AGO2: variants seen among roughly 807,000 people sequenced by gnomAD.
AGO2 encodes argonaute RISC catalytic component 2, also known as protein argonaute-2.
Under a neutral mutation model 102.3 loss-of-function variants are expected in AGO2, and 5 were observed. The observed-to-expected ratio is 0.05, with a 90% CI of 0.03 to 0.10. The LOEUF (loss-of-function observed/expected upper bound fraction) is 0.10. AGO2 is among the 10% of genes least tolerant of loss of function. The pLI, the probability that AGO2 is intolerant of heterozygous loss-of-function variation, is 1.00. For missense variants in AGO2, 541 were observed against 1,183.7 expected (o/e 0.46, Z 7.97); for synonymous variants, 449 against 473.1 (o/e 0.95, Z 0.66).
In AGO2 at chr8:140,529,125, A is replaced by G. The variant is rs2072548630; in HGVS notation, c.*2919T>C. ...GTTTGCTTAAAGCAAGGCACACCTT[A>G]CTTAACAGTGGGATGGGGACAAAGC... On this transcript the variant is annotated 3_prime_UTR_variant, in exon 19 of 19. Coordinates refer to ENST00000220592, the MANE Select transcript of AGO2 (RefSeq NM_012154.5). The G allele has an allele frequency of 6.6e-6, 1 of 152,368 alleles. No homozygotes were observed. The highest frequency in any genetic ancestry group is 1.9e-4 in the East Asian group (1 of 5,182). 9.4% of individuals were successfully genotyped at this position (152,368 alleles called of 1,614,324 possible).
intron 1 of AGO2, among the ~76,000 whole-genome samples, chr8:140,595,847 TATATTTATATTATATACAATTGTA>T (rs2073826473): frequency 9.0e-5 from 9 of 100,100 alleles, no homozygotes; most frequent in Non-Finnish European, 1.6e-4. Flanking sequence ...TTGTATATAT[TATATTTATATTATATACAATTGTA>T]TATTATATAA....
At chr8:140,618,235 G>A (rs929967625) in intron 1 of AGO2, among the ~76,000 whole-genome samples, 1 of 151,898 alleles carries the variant, frequency 6.6e-6, no homozygotes, top group East Asian at 1.9e-4. Flanking sequence ...CAGGAGAATC[G>A]CTTGAACCCA....
chr8:140,532,706 T>A, intron 17 of AGO2, 91 bp from the exon 18 acceptor site: 1 of 1,371,120 alleles, frequency 7.3e-7, no homozygotes, highest in Non-Finnish European at 1.0e-6. Flanking sequence ...TTATTAAAAA[T>A]GCATCATAGT....
intron 3 of AGO2, among the ~76,000 whole-genome samples, chr8:140,565,868 C>T (rs889222117): frequency 6.6e-6 from 1 of 151,832 alleles, no homozygotes; most frequent in Non-Finnish European, 1.5e-5. Flanking sequence ...TGGTTTGAGT[C>T]CAGAGTTGGA....
At position 140,561,041 on chromosome 8, in the gene AGO2, G is replaced by A. The variant is rs900961853; in HGVS notation, c.519-531C>T. Among the ~76,000 whole-genome samples, 67 of 152,352 alleles carry A rather than the reference G, an allele frequency of 4.4e-4. 1 individual carries two copies. The highest frequency in any genetic ancestry group is 2.4e-4 in the African/African-American group (10 of 41,588). On this transcript the variant is annotated intron_variant, in intron 4 of 18. Transcript: ENST00000220592. ...CTCCCCAGGTAGGCTCCGAGGCCCC[G>A]GAGCTGCCCGCTGTGGGCTCCCCCG...
At chr8:140,546,349 G>A (rs762313996) in intron 13 of AGO2, among the ~76,000 whole-genome samples, 6 of 152,194 alleles carry the variant, frequency 3.9e-5, no homozygotes, top group South Asian at 2.1e-4. Flanking sequence ...CACTGTGTCC[G>A]TCCACTTGCT....
chr8:140,608,183 T>A (rs902059024), intron 1 of AGO2, among the ~76,000 whole-genome samples: 2 of 152,188 alleles, frequency 1.3e-5, no homozygotes, highest in African/African-American at 4.8e-5. Context: ...GACATTAGCA[T>A]GAGACAGGCA....
chr8:140,581,586 T>TAAAA (rs2073558282), intron 2 of AGO2, among the ~76,000 whole-genome samples: 1 of 151,724 alleles, frequency 6.6e-6, no homozygotes. Flanking sequence ...ACCCCCTAAA[T>TAAAA]CACAGATTCA....
chr8:140,536,443 C>T (rs558831116), intron 16 of AGO2, among the ~76,000 whole-genome samples: 146 of 152,026 alleles, frequency 9.6e-4, no homozygotes, highest in African/African-American at 3.4e-3. Context: ...TCTCCTGCCT[C>T]GGCCTCCCGA....
intron 5 of AGO2, among the ~76,000 whole-genome samples, chr8:140,560,069 G>A (rs1027061115): frequency 1.2e-4 from 19 of 152,306 alleles, no homozygotes; most frequent in African/African-American, 4.3e-4. Flanking sequence ...GCCACACCCA[G>A]GCTACAGTCA....
At chr8:140,631,603 G>C (rs981925500) in intron 1 of AGO2, among the ~76,000 whole-genome samples, 7 of 152,008 alleles carry the variant, frequency 4.6e-5, no homozygotes, top group African/African-American at 1.2e-4. Context: ...GAAGAGAGAG[G>C]GTGGGCTAGC....
intron 4 of AGO2, 108 bp from the exon 5 acceptor site, chr8:140,560,618 C>T (rs1019741416): frequency 1.5e-4 from 201 of 1,326,338 alleles, no homozygotes; most frequent in Non-Finnish European, 2.0e-4. Flanking sequence ...ATCAGAGTTC[C>T]GTTTCCCCTC....
chr8:140,614,899 C>A lies in AGO2; in HGVS notation c.22+20586G>T, dbSNP rs557859688. On this transcript the variant is annotated intron_variant, in intron 1 of 18. Transcript: ENST00000220592. ...TGAAGTCATGAGAACTCACTCTAACCGCTCAAGTCACTCCTGGAGCCTCAG... is the reference window on the plus strand; with the variant it reads ...TGAAGTCATGAGAACTCACTCTAACAGCTCAAGTCACTCCTGGAGCCTCAG... 5.9e-5 allele frequency among the ~76,000 whole-genome samples: 9 copies of A among 152,322 alleles called. No homozygotes were observed. The East Asian group carries it at 1.5e-3, about 26-fold the overall frequency.
At chr8:140,566,987 C>A (rs985785568) in intron 3 of AGO2, among the ~76,000 whole-genome samples, 1 of 152,222 alleles carries the variant, frequency 6.6e-6, no homozygotes, top group Non-Finnish European at 1.5e-5. Context: ...GTACTTTAGG[C>A]CCGAGTACAT....
intron 17 of AGO2, among the ~76,000 whole-genome samples, chr8:140,533,161 G>A (rs558660742): frequency 5.3e-5 from 8 of 151,874 alleles, no homozygotes; most frequent in South Asian, 2.1e-4. Context: ...AGGCCGAGGC[G>A]GGCAGATCAC....
At position 140,520,460 on chromosome 8, in the gene AGO2, A is replaced by G. The variant is rs1363334403; in HGVS notation, c.*11584T>C. 6.6e-6 allele frequency: 1 copy of G among 152,220 alleles called. No homozygotes were observed. The highest frequency in any genetic ancestry group is 1.5e-5 in the Non-Finnish European group (1 of 68,036). The allele number at this position is 152,220 out of a possible 1,614,324, so 9.4% of individuals were successfully genotyped here. ...TGTAAAAACAAACTAGAAAGGACCC[A>G]GCTAAGCTTAAACACGACAATAGAT... On this transcript the variant is annotated 3_prime_UTR_variant, in exon 19 of 19. Transcript: ENST00000220592.
At chr8:140,573,656 A>G (rs2073420646) in intron 2 of AGO2, among the ~76,000 whole-genome samples, 1 of 152,216 alleles carries the variant, frequency 6.6e-6, no homozygotes, top group Non-Finnish European at 1.5e-5. Flanking sequence ...ACAGCAGATG[A>G]CAGACACTTC....
At position 140,585,341 on chromosome 8, in the gene AGO2, G is replaced by A. The variant is rs375136677; in HGVS notation, c.23-30C>T. 857 of 1,606,908 alleles carry A rather than the reference G, an allele frequency of 5.3e-4. 11 individuals are homozygous for A. The South Asian group carries it at 8.1e-3, about 15-fold the overall frequency. On this transcript the variant is annotated intron_variant, in intron 1 of 18. Transcript: ENST00000220592. The stretch of plus-strand genomic sequence containing the variant: ...AATGGCAGAGAGAACACCCATTAAC[G>A]GGGGAGCAGGCTTGCTCTGCGGCCC...
intron 16 of AGO2, among the ~76,000 whole-genome samples, chr8:140,536,801 G>T (rs1001124881): frequency 2.0e-5 from 3 of 152,196 alleles, no homozygotes; most frequent in African/African-American, 7.2e-5. Flanking sequence ...GGGCTGCAGC[G>T]GGGAGGAAGG....
Sources: allele counts gnomAD v4.1 joint callset (sites outside exome capture counted in the v4.1 genomes callset), GRCh38; gene constraint gnomAD v4.1.1; transcripts MANE v1.5; gene names NCBI Gene and HGNC (gene_info 2026-07-23, HGNC 2026-07-21).